The following CAMTA1 variants were observed in gnomAD, a reference collection of about 807,000 sequenced individuals.
CAMTA1 encodes the protein calmodulin binding transcription activator 1, also known as calmodulin-binding transcription activator 1.
A neutral mutation model predicts 170.9 loss-of-function variants in CAMTA1; 27 were observed. That is an observed-to-expected ratio of 0.16 (90% CI 0.12 to 0.22). The LOEUF is 0.22. CAMTA1 is among the 10% of genes least tolerant of loss of function. The probability of loss-of-function intolerance (pLI) is 1.00; values close to 1 mark genes in which losing one functional copy is unlikely to be tolerated. For synonymous variants in CAMTA1, 833 were observed against 891.5 expected, an observed-to-expected ratio of 0.93 and a Z score of 1.17; for missense variants, 1,619 against 2,217.2, an observed-to-expected ratio of 0.73 and a Z score of 5.42.
intron 6 of CAMTA1, among the ~76,000 whole-genome samples, chr1:7,535,183 G>A (rs747047901): frequency 6.6e-6 from 1 of 152,150 alleles, no homozygotes; most frequent in Admixed American, 6.5e-5. Flanking sequence ...GTGAATGAAT[G>A]AACGAATGAC....
In CAMTA1 at chr1:7,732,293, C is replaced by T. The variant is rs1423095703; in HGVS notation, c.2915-155C>T. Among the ~76,000 whole-genome samples, 1 of 152,134 alleles carries T rather than the reference C, an allele frequency of 6.6e-6. No individual in the cohort carries two copies. The highest frequency in any genetic ancestry group is 1.5e-5 in the Non-Finnish European group (1 of 68,024). ...CCTGTGTGAGGTGGTGACAGATTCA[C>T]GATCGTGCTGGGGAACTCTGGCTGG... On this transcript the variant is annotated intron_variant, in intron 11 of 22. Coordinates refer to ENST00000303635, the MANE Select transcript of CAMTA1 (RefSeq NM_015215.4). The surrounding 1 kb of genome is among the most constrained non-coding windows in gnomAD (Gnocchi z 4.1).
Position 6,994,965 on chromosome 1 carries a change from G to A in CAMTA1, c.235-96339G>A, listed in dbSNP as rs115166179. 3.5e-3 allele frequency among the ~76,000 whole-genome samples: 540 copies of A among 152,204 alleles called. 5 individuals carry two copies. Among genetic ancestry groups the A allele is most frequent in the African/African-American group, 0.012 (497 of 41,520 alleles). ...ATTATAGACATGAGCCATTGCACCC[G>A]GCCCGAGCTTCTTGATTCTGAAAAT... is the stretch of plus-strand genomic sequence containing the variant. On this transcript the variant is annotated intron_variant, in intron 3 of 22. Transcript: ENST00000303635.
chr1:7,172,471 G>A (rs1187743724), intron 4 of CAMTA1, among the ~76,000 whole-genome samples: 1 of 152,146 alleles, frequency 6.6e-6, no homozygotes, highest in Non-Finnish European at 1.5e-5. Context: ...CTTAATCCAG[G>A]AGAGCTTCTA....
rs2096079331 is a variant in CAMTA1 at position 7,673,515 on chromosome 1, TC to T, written c.2779+2480del. Among the ~76,000 whole-genome samples, 1 of 152,180 alleles carries T rather than the reference TC, an allele frequency of 6.6e-6. No homozygotes were observed. The highest frequency in any genetic ancestry group is 1.5e-5 in the Non-Finnish European group (1 of 68,024). On this transcript the variant is annotated intron_variant, in intron 10 of 22. Coordinates refer to ENST00000303635, the MANE Select transcript of CAMTA1 (RefSeq NM_015215.4). The surrounding 1 kb of genome is among the most constrained non-coding windows in gnomAD (Gnocchi z 4.6). ...GGGTCTCAACAGGCAGTTCTCCTGG[TC>T]CTGGGGCATTTCTGGGTCCCCAGAG...
chr1:7,129,957 G>A (rs1328376501), intron 4 of CAMTA1, among the ~76,000 whole-genome samples: 1 of 148,802 alleles, frequency 6.7e-6, no homozygotes, highest in Non-Finnish European at 1.5e-5. Context: ...GTGTGTGTGA[G>A]ATGGAGTTTT....
At position 7,130,747 on chromosome 1, in the gene CAMTA1, G is replaced by A. The variant is rs578117919; in HGVS notation, c.302+39376G>A. Among the ~76,000 whole-genome samples the A allele has an allele frequency of 5.9e-5, 9 of 152,244 alleles. No homozygotes were observed. The South Asian group carries it at 6.2e-4, about 11-fold the overall frequency. On this transcript the variant is annotated intron_variant, in intron 4 of 22. Transcript: ENST00000303635. Reference sequence around the variant, plus strand: ...ACTCTTCCCATATATCTGTTCTCAAGAGCTGATAATCTCTCCAACTGTTTG... The same window carrying A: ...ACTCTTCCCATATATCTGTTCTCAAAAGCTGATAATCTCTCCAACTGTTTG...
At chr1:7,551,252 G>A (rs1284892680) in intron 6 of CAMTA1, among the ~76,000 whole-genome samples, 2 of 152,034 alleles carry the variant, frequency 1.3e-5, no homozygotes, top group East Asian at 2.0e-4. Flanking sequence ...GCTGGGCTCC[G>A]GAGGTCGGAC....
chr1:7,267,006 A>G (rs1669037239), intron 5 of CAMTA1, among the ~76,000 whole-genome samples: 2 of 152,178 alleles, frequency 1.3e-5, no homozygotes, highest in Non-Finnish European at 2.9e-5. Flanking sequence ...TCTGGAAGGC[A>G]GTGGGGGAGG....
intron 6 of CAMTA1, among the ~76,000 whole-genome samples, chr1:7,539,899 G>C (rs1020363772): frequency 6.6e-6 from 1 of 152,064 alleles, no homozygotes; most frequent in African/African-American, 2.4e-5. Flanking sequence ...GATTCAGGCA[G>C]GGGATCAAGC....
At chr1:7,380,196 C>G (rs2087175688) in intron 5 of CAMTA1, among the ~76,000 whole-genome samples, 1 of 152,192 alleles carries the variant, frequency 6.6e-6, no homozygotes, top group African/African-American at 2.4e-5. Context: ...TTCCCAGGAG[C>G]CCATGGGGTT....
chr1:7,142,700 G>A (rs992713261), intron 4 of CAMTA1, among the ~76,000 whole-genome samples: 6 of 152,166 alleles, frequency 3.9e-5, no homozygotes, highest in African/African-American at 1.4e-4. Context: ...CTCTTGCCAT[G>A]CTGGCTCCCT....
At chr1:7,079,275 T>G (rs537729764) in intron 3 of CAMTA1, among the ~76,000 whole-genome samples, 199 of 152,276 alleles carry the variant, frequency 1.3e-3, no homozygotes, top group African/African-American at 4.7e-3. Flanking sequence ...CACAAGTAAC[T>G]TAAATAACTG....
intron 9 of CAMTA1, among the ~76,000 whole-genome samples, chr1:7,670,430 A>G (rs2096048955): frequency 6.6e-6 from 1 of 151,992 alleles, no homozygotes; most frequent in Admixed American, 6.5e-5. Context: ...TCAACTCCCT[A>G]CAAGAACTTC....
chr1:7,078,374 A>G (rs1639586807), intron 3 of CAMTA1, among the ~76,000 whole-genome samples: 1 of 152,188 alleles, frequency 6.6e-6, no homozygotes, highest in African/African-American at 2.4e-5. Context: ...GTAGAGGTGA[A>G]GGAGGGTTGG....
At chr1:7,525,515 G>A (rs1449179965) in intron 6 of CAMTA1, among the ~76,000 whole-genome samples, 2 of 152,014 alleles carry the variant, frequency 1.3e-5, no homozygotes, top group African/African-American at 2.4e-5. Flanking sequence ...TATTATCAGT[G>A]TGGCCTCAGG....
chr1:7,523,199 T>C lies in CAMTA1; in HGVS notation c.510+55298T>C, dbSNP rs143760104. On this transcript the variant is annotated intron_variant, in intron 6 of 22. Coordinates refer to ENST00000303635, the MANE Select transcript of CAMTA1 (RefSeq NM_015215.4). ...TCTATTAATATATGACTGTCTCTCC[T>C]CTGACATCACACTGACTTGATTGCT... Among the ~76,000 whole-genome samples the C allele has an allele frequency of 4.4e-4, 67 of 152,304 alleles. No homozygotes were observed. In the East Asian group the frequency reaches 0.012, roughly 28 times the overall value.
At chr1:7,103,609 C>T in intron 4 of CAMTA1, among the ~76,000 whole-genome samples, 1 of 99,216 alleles carries the variant, frequency 1.0e-5, no homozygotes, top group African/African-American at 4.6e-5. Context: ...ATGTACACAA[C>T]TACACACACG....
chr1:7,177,086 GAGGC>G, intron 4 of CAMTA1, among the ~76,000 whole-genome samples: 1 of 151,610 alleles, frequency 6.6e-6, no homozygotes. Flanking sequence ...CCTTCCCACA[GAGGC>G]CCCTCCCACA....
intron 1 of CAMTA1, among the ~76,000 whole-genome samples, chr1:6,818,723 C>T (rs1646127478): frequency 6.6e-6 from 1 of 152,062 alleles, no homozygotes; most frequent in Admixed American, 6.5e-5. Flanking sequence ...ACTGCAGCCT[C>T]AACTTCCCGG....
Sources: gnomAD v4.1 joint callset for allele counts (sites outside exome capture counted in the v4.1 genomes callset) on GRCh38, gnomAD v4.1.1 for gene constraint, Gnocchi (gnomAD v3.1) non-coding constraint, MANE v1.5 for transcripts, NCBI Gene and HGNC (gene_info 2026-07-23, HGNC 2026-07-21) for gene names.